Variants in BCAS3 observed in about 807,000 individuals in gnomAD.
BCAS3 encodes BCAS3 microtubule associated cell migration factor.
A neutral mutation model predicts 116.1 loss-of-function variants in BCAS3; 53 were observed. That is an observed-to-expected ratio of 0.46 (90% confidence interval 0.37 to 0.57). BCAS3 has a LOEUF of 0.57. BCAS3 is among the 20% of genes least tolerant of loss of function. BCAS3 has a pLI of 0.00. For synonymous variants in BCAS3, 391 were observed against 408.2 expected (o/e 0.96, Z 0.51); for missense variants, 917 against 1,165.4 (o/e 0.79, Z 3.10).
At chr17:60,805,227 GTCA>G (rs1476259168) in intron 6 of BCAS3, among the ~76,000 whole-genome samples, 1 of 152,072 alleles carries the variant, frequency 6.6e-6, no homozygotes, top group East Asian at 1.9e-4. Flanking sequence ...GAACCCACCA[GTCA>G]TCATTTTATG....
chr17:61,218,485 G>C (rs1667212749), intron 22 of BCAS3, among the ~76,000 whole-genome samples: 1 of 152,226 alleles, frequency 6.6e-6, no homozygotes, highest in African/African-American at 2.4e-5. Context: ...TAAAGCTACA[G>C]TGAGTAATTG....
intron 16 of BCAS3, among the ~76,000 whole-genome samples, chr17:61,030,938 C>G (rs559503983): frequency 6.6e-6 from 1 of 151,480 alleles, no homozygotes; most frequent in East Asian, 1.9e-4. Context: ...ATGTCTTGTT[C>G]TCATGTATAA....
chr17:60,989,482 T>G (rs971224028), intron 14 of BCAS3, among the ~76,000 whole-genome samples: 37 of 150,238 alleles, frequency 2.5e-4, no homozygotes, highest in Admixed American at 4.6e-4. Flanking sequence ...TAAAGTTGTT[T>G]TTTTTTTTTT....
chr17:61,192,355 G>C (rs1444253072), intron 22 of BCAS3, among the ~76,000 whole-genome samples: 1 of 149,464 alleles, frequency 6.7e-6, no homozygotes, highest in Non-Finnish European at 1.5e-5. Flanking sequence ...TAACTACCAA[G>C]AATCTTCCAG....
At chr17:60,983,994 A>T (rs898048929) in intron 14 of BCAS3, among the ~76,000 whole-genome samples, 2 of 152,230 alleles carry the variant, frequency 1.3e-5, no homozygotes, top group Non-Finnish European at 2.9e-5. Flanking sequence ...AAAGTCAGTT[A>T]AGCTGAACAT....
At chr17:60,893,231 G>T (rs1391947255) in intron 10 of BCAS3, among the ~76,000 whole-genome samples, 1 of 152,048 alleles carries the variant, frequency 6.6e-6, no homozygotes, top group Non-Finnish European at 1.5e-5. Flanking sequence ...TGCTGTGCAG[G>T]AACTTTTTAG....
At chr17:61,330,072 C>T (rs1299710073) in intron 22 of BCAS3, among the ~76,000 whole-genome samples, 3 of 152,230 alleles carry the variant, frequency 2.0e-5, no homozygotes, top group Middle Eastern at 3.4e-3. Flanking sequence ...TCTAGATGCC[C>T]GGAGGTCTCT....
rs906247036 is a variant in BCAS3, at chr17:61,198,903, G to T, written c.2425+114339G>T. Among the ~76,000 whole-genome samples the T allele has an allele frequency of 6.6e-6, 1 of 152,204 alleles. No homozygotes were observed. The highest frequency in any genetic ancestry group is 2.4e-5 in the African/African-American group (1 of 41,448). ...AGGTACATGTTTCTAAAGCTTTTAA[G>T]ATAATGATACTTAGAAATCACTGAT... On this transcript the variant is annotated intron_variant, in intron 22 of 23. Coordinates refer to ENST00000407086, the MANE Select transcript of BCAS3 (RefSeq NM_017679.5). The surrounding 1 kb of genome is among the most constrained non-coding windows in gnomAD (Gnocchi z 5.0).
intron 22 of BCAS3, among the ~76,000 whole-genome samples, chr17:61,174,135 A>G (rs1347753424): frequency 6.6e-6 from 1 of 152,200 alleles, no homozygotes; most frequent in African/African-American, 2.4e-5. Context: ...GATGTACAAC[A>G]TGATTGTTTT....
In BCAS3 at chr17:61,156,638, T is replaced by A. The variant is rs1453227153; in HGVS notation, c.2425+72074T>A. Among the ~76,000 whole-genome samples, 1 of 152,208 alleles carries A rather than the reference T, an allele frequency of 6.6e-6. No homozygotes were observed. The highest frequency in any genetic ancestry group is 2.4e-5 in the African/African-American group (1 of 41,456). On this transcript the variant is annotated intron_variant, in intron 22 of 23. Coordinates refer to ENST00000407086, the MANE Select transcript of BCAS3 (RefSeq NM_017679.5). The surrounding 1 kb of genome is among the most constrained non-coding windows in gnomAD (Gnocchi z 4.7). ...TGGTAAGAAATTTCAGAGGGATTTTTAAATATGAAACTGTGTCTTTTTGTA... is the reference window on the plus strand; with the variant it reads ...TGGTAAGAAATTTCAGAGGGATTTTAAAATATGAAACTGTGTCTTTTTGTA...
At chr17:60,922,525 A>T (rs981082197) in intron 12 of BCAS3, among the ~76,000 whole-genome samples, 1 of 152,224 alleles carries the variant, frequency 6.6e-6, no homozygotes, top group Non-Finnish European at 1.5e-5. Context: ...GTTAGTAAAC[A>T]TGTACGACTA....
chr17:60,700,173 C>CAAAAAA (rs531616609), intron 4 of BCAS3, among the ~76,000 whole-genome samples: 1 of 121,614 alleles, frequency 8.2e-6, no homozygotes, highest in African/African-American at 4.4e-5. Flanking sequence ...GACCCTGTCT[C>CAAAAAA]AAAAAAAAAA....
chr17:61,357,605 G>T (rs957112218), intron 22 of BCAS3, among the ~76,000 whole-genome samples: 1 of 149,220 alleles, frequency 6.7e-6, no homozygotes, highest in Non-Finnish European at 1.5e-5. Context: ...CACCACACCC[G>T]GCTAATGTTT....
intron 5 of BCAS3, among the ~76,000 whole-genome samples, chr17:60,736,388 GTT>G (rs2040964632): frequency 6.6e-6 from 1 of 151,108 alleles, no homozygotes; most frequent in Non-Finnish European, 1.5e-5. Context: ...GTTTCTCCAT[GTT>G]GGCCAGGGTG....
chr17:61,304,879 G>GA (rs2053724066), intron 22 of BCAS3, among the ~76,000 whole-genome samples: 1 of 151,816 alleles, frequency 6.6e-6, no homozygotes, highest in Non-Finnish European at 1.5e-5. Context: ...TCAGCCTCCT[G>GA]AGTAGCTGGG....
intron 19 of BCAS3, among the ~76,000 whole-genome samples, chr17:61,045,425 C>G (rs972536696): frequency 6.6e-6 from 1 of 150,980 alleles, no homozygotes; most frequent in African/African-American, 2.4e-5. Flanking sequence ...GTAGGAGGAT[C>G]ACTTGAGCCC....
In BCAS3 at chr17:61,286,059, A is replaced by G. The variant is rs1320354205; in HGVS notation, c.2426-82268A>G. Among the ~76,000 whole-genome samples the G allele has an allele frequency of 2.0e-5, 3 of 152,220 alleles. No individual in the cohort carries two copies. Among genetic ancestry groups the G allele is most frequent in the Non-Finnish European group, 2.9e-5 (2 of 68,038 alleles). On this transcript the variant is annotated intron_variant, in intron 22 of 23. Coordinates refer to ENST00000407086, the MANE Select transcript of BCAS3 (RefSeq NM_017679.5). The surrounding 1 kb of genome is among the most constrained non-coding windows in gnomAD (Gnocchi z 4.8). ...CTCATGGACCAGAAACATTTCATAA[A>G]GGAAACAACTGGTGGGAAGTTTTTT...
In BCAS3 at chr17:61,128,546, C is replaced by T. The variant is rs531401044; in HGVS notation, c.2425+43982C>T. The stretch of plus-strand genomic sequence containing the variant: ...CTTCTCTATCCCAAATCGTTTGAAT[C>T]GTTTGACTGCTATACACAATCCCCA... On this transcript the variant is annotated intron_variant, in intron 22 of 23. Coordinates refer to ENST00000407086, the MANE Select transcript of BCAS3 (RefSeq NM_017679.5). This position sits in a 1 kb window ranked among gnomAD's most constrained non-coding sequence, Gnocchi z 4.1. The T allele has an allele frequency of 9.6e-5, 95 of 985,344 alleles. No individual in the cohort carries two copies. The highest frequency in any genetic ancestry group is 8.5e-4 in the South Asian group (18 of 21,268). 61.0% of individuals were successfully genotyped at this position (985,344 alleles called of 1,614,324 possible).
In BCAS3 at chr17:61,156,423, CA is replaced by C. The variant is rs1952063565; in HGVS notation, c.2425+71863del. 6.6e-6 allele frequency among the ~76,000 whole-genome samples: 1 copy of C among 152,000 alleles called. No homozygotes were observed. Among genetic ancestry groups the C allele is most frequent in the Admixed American group, 6.6e-5 (1 of 15,264 alleles). ...AAACTTAGAGTAATATTTGGTCTGCCAAAATGAGATAGAGAAATGGAAATAC... is the reference window on the plus strand; with the variant it reads ...AAACTTAGAGTAATATTTGGTCTGCCAAATGAGATAGAGAAATGGAAATAC... On this transcript the variant is annotated intron_variant, in intron 22 of 23. Transcript: ENST00000407086. The surrounding 1 kb of genome is among the most constrained non-coding windows in gnomAD (Gnocchi z 4.7).
Sources: allele counts gnomAD v4.1 joint callset (sites outside exome capture counted in the v4.1 genomes callset), GRCh38; gene constraint gnomAD v4.1.1; non-coding constraint Gnocchi (gnomAD v3.1); transcripts MANE v1.5; gene names NCBI Gene and HGNC (gene_info 2026-07-23, HGNC 2026-07-21).